Variants in CPVL observed in about 807,000 individuals in gnomAD.
CPVL encodes probable serine carboxypeptidase CPVL.
A neutral mutation model predicts 63.7 loss-of-function variants in CPVL; 51 were observed. The ratio of observed to expected loss-of-function variants is 0.80; its 90% CI spans 0.64 to 1.01. The LOEUF (loss-of-function observed/expected upper bound fraction) is 1.01, where lower values mean the gene tolerates loss of function less well. Ranked by LOEUF, CPVL falls within the 50% of genes least tolerant of loss-of-function variation. The pLI, the probability that CPVL is intolerant of heterozygous loss-of-function variation, is 0.00. For missense variants in CPVL, 530 were observed against 573.1 expected (o/e 0.92, Z 0.77); for synonymous variants, 195 against 206.0 (o/e 0.95, Z 0.46).
In CPVL at chr7:29,091,440, A is replaced by AAAGAGAGCACACAGTGCC. The variant is rs1401036283; in HGVS notation, c.542+1165_542+1182dup. On this transcript the variant is annotated intron_variant, in intron 6 of 12. Transcript: ENST00000265394. Reference sequence around the variant, plus strand: ...CGGGGAGTAGGTTTCTAATCTGAAGAAAGAGAGCACACAGTGCCAAGAGAG... The same window carrying AAAGAGAGCACACAGTGCC: ...CGGGGAGTAGGTTTCTAATCTGAAGAAAGAGAGCACACAGTGCCAAGAGAGCACACAGTGCCAAGAGAG... Among the ~76,000 whole-genome samples the AAAGAGAGCACACAGTGCC allele has an allele frequency of 2.6e-5, 4 of 152,300 alleles. No homozygotes were observed. The East Asian group carries it at 7.7e-4, about 29-fold the overall frequency.
intron 5 of CPVL, among the ~76,000 whole-genome samples, chr7:29,152,502 C>T (rs1375982947): frequency 6.6e-6 from 1 of 152,142 alleles, no homozygotes; most frequent in African/African-American, 2.4e-5. Flanking sequence ...CTTTACTGAG[C>T]CAAGGAGTCT....
At chr7:29,106,541 G>C (rs113783558) in intron 3 of CPVL, among the ~76,000 whole-genome samples, 62 of 152,178 alleles carry the variant, frequency 4.1e-4, no homozygotes, top group African/African-American at 1.3e-3. Context: ...AGAAAGAGAA[G>C]ACAAATTCCT....
intron 5 of CPVL, among the ~76,000 whole-genome samples, chr7:29,170,986 C>T (rs1187252041): frequency 6.6e-6 from 1 of 152,112 alleles, no homozygotes; most frequent in East Asian, 1.9e-4. Context: ...GTCCCTCCCA[C>T]AACATGTCGG....
chr7:29,113,807 G>C (rs1354142649), intron 2 of CPVL: 1 of 152,650 alleles, frequency 6.6e-6, no homozygotes, highest in East Asian at 1.9e-4. Flanking sequence ...GGGAAGTAGT[G>C]GTCAGGAAGG....
chr7:28,996,754 C>T (rs773817266), intron 12 of CPVL, among the ~76,000 whole-genome samples: 19 of 152,240 alleles, frequency 1.2e-4, no homozygotes, highest in South Asian at 2.1e-4. Context: ...ATAAGGGTGC[C>T]TCTATGCATC....
chr7:29,016,212 G>A (rs1384485071), intron 12 of CPVL, among the ~76,000 whole-genome samples: 2 of 152,054 alleles, frequency 1.3e-5, no homozygotes, highest in African/African-American at 4.8e-5. Context: ...TCAGCCAGAT[G>A]TGGTGGTGGG....
intron 10 of CPVL, 48 bp downstream of exon 10, chr7:29,065,975 G>T: frequency 8.6e-7 from 1 of 1,164,020 alleles, no homozygotes; most frequent in Non-Finnish European, 1.3e-6. Context: ...GTTCGGTTTT[G>T]CCAAAAGTTT....
chr7:29,152,759 T>C (rs1793775653), intron 5 of CPVL, among the ~76,000 whole-genome samples: 1 of 152,246 alleles, frequency 6.6e-6, no homozygotes, highest in Admixed American at 6.5e-5. Flanking sequence ...TCTCTTTCGG[T>C]GCACCCCATT....
At chr7:29,094,563 T>C (rs1457455571) in intron 5 of CPVL, among the ~76,000 whole-genome samples, 2 of 151,994 alleles carry the variant, frequency 1.3e-5, no homozygotes, top group Non-Finnish European at 2.9e-5. Flanking sequence ...AATAAGGAAA[T>C]GGGCCAGGCG....
chr7:29,143,214 C>T (rs1482689756), intron 1 of CPVL, among the ~76,000 whole-genome samples: 1 of 152,238 alleles, frequency 6.6e-6, no homozygotes, highest in Non-Finnish European at 1.5e-5. Context: ...CCTTCACAAA[C>T]TCTTAGCCTA....
intron 7 of CPVL, among the ~76,000 whole-genome samples, chr7:29,083,524 G>C (rs1161501834): frequency 6.6e-6 from 1 of 152,246 alleles, no homozygotes; most frequent in Non-Finnish European, 1.5e-5. Flanking sequence ...GAATTACTGG[G>C]AAAGGGAAGT....
chr7:29,004,958 G>A (rs1173446046), intron 12 of CPVL, among the ~76,000 whole-genome samples: 1 of 146,798 alleles, frequency 6.8e-6, no homozygotes, highest in African/African-American at 2.5e-5. Context: ...GTGCAGTGAT[G>A]TGATCTTGGC....
chr7:29,096,984 CAAAAAAAAAA>C (rs1165892123), intron 3 of CPVL, among the ~76,000 whole-genome samples: 6 of 51,222 alleles, frequency 1.2e-4, no homozygotes, highest in Admixed American at 2.5e-4. Flanking sequence ...GACTCTGTCT[CAAAAAAAAAA>C]AAAAAAAAAA....
chr7:29,191,414 C>T (rs756813362), intron 1 of CPVL, among the ~76,000 whole-genome samples: 3 of 152,148 alleles, frequency 2.0e-5, no homozygotes, highest in Non-Finnish European at 2.9e-5. Flanking sequence ...TGGTTGAACC[C>T]TTTTGGTATG....
chr7:29,123,578 T>C (rs1374051565), intron 1 of CPVL, among the ~76,000 whole-genome samples: 2 of 106,392 alleles, frequency 1.9e-5, no homozygotes, highest in African/African-American at 7.3e-5. Context: ...ATCAACAATC[T>C]TACTCTCTAA....
chr7:29,078,743 A>C (rs183387225), intron 7 of CPVL, among the ~76,000 whole-genome samples: 1 of 152,362 alleles, frequency 6.6e-6, no homozygotes, highest in Admixed American at 6.5e-5. Context: ...ACCTCAGTAC[A>C]TATGTATCGA....
At chr7:29,179,293 G>T (rs245915) in intron 5 of CPVL, among the ~76,000 whole-genome samples, 102,467 of 152,120 alleles carry the variant, frequency 0.67, 35,543 homozygotes, top group East Asian at 0.99. Flanking sequence ...CCCATCCCAC[G>T]CCAAGTCATG....
chr7:29,046,800 A>G (rs1278575876), intron 11 of CPVL, among the ~76,000 whole-genome samples: 1 of 152,144 alleles, frequency 6.6e-6, no homozygotes, highest in Non-Finnish European at 1.5e-5. Context: ...GCTCCTGGAG[A>G]CTGTGGGTTG....
intron 5 of CPVL, among the ~76,000 whole-genome samples, chr7:29,167,738 T>C (rs1341851557): frequency 1.3e-5 from 2 of 152,234 alleles, no homozygotes; most frequent in Non-Finnish European, 2.9e-5. Flanking sequence ...GTGAAAGTCA[T>C]TTGTTTTCCC....
Sources: gnomAD v4.1 joint callset for allele counts (sites outside exome capture counted in the v4.1 genomes callset) on GRCh38, gnomAD v4.1.1 for gene constraint, MANE v1.5 for transcripts, NCBI Gene and HGNC (gene_info 2026-07-23, HGNC 2026-07-21) for gene names.